The following BORA variants were observed in gnomAD, a reference collection of about 807,000 sequenced individuals.
BORA encodes BORA aurora kinase A activator, also known as protein aurora borealis.
A neutral mutation model predicts 55.8 loss-of-function variants in BORA; 26 were observed. That is an observed-to-expected ratio of 0.47 (90% CI 0.34 to 0.65). The LOEUF is 0.65. Among genes scored for constraint, BORA ranks in the 30% least tolerant of loss-of-function variants. The pLI is 0.01. For synonymous variants in BORA, 201 were observed against 216.9 expected, an observed-to-expected ratio of 0.93 and a Z score of 0.64; for missense variants, 568 against 671.5, an observed-to-expected ratio of 0.85 and a Z score of 1.70.
At chr13:72,751,408 A>G (rs1456622425) in intron 10 of BORA, among the ~76,000 whole-genome samples, 1 of 152,250 alleles carries the variant, frequency 6.6e-6, no homozygotes, top group African/African-American at 2.4e-5. Flanking sequence ...ACAATGGAAT[A>G]CTATTCAGCC....
intron 5 of BORA, among the ~76,000 whole-genome samples, chr13:72,739,862 C>T (rs915139262): frequency 1.3e-5 from 2 of 152,132 alleles, no homozygotes; most frequent in African/African-American, 4.8e-5. Flanking sequence ...GAGAAAGGGA[C>T]CCATGGGCCA....
chr13:72,728,034 C>A (rs1406121975), intron 1 of BORA, 27 bp downstream of exon 1: 7 of 1,550,438 alleles, frequency 4.5e-6, no homozygotes, highest in Non-Finnish European at 6.1e-6. Flanking sequence ...TGGTCCCTGG[C>A]CTTTCCTCCT....
At chr13:72,730,435 T>C (rs2032787647) in intron 2 of BORA, among the ~76,000 whole-genome samples, 1 of 152,228 alleles carries the variant, frequency 6.6e-6, no homozygotes, top group Non-Finnish European at 1.5e-5. Flanking sequence ...AATATATTTC[T>C]AATTACAGAT....
intron 4 of BORA, among the ~76,000 whole-genome samples, chr13:72,737,160 T>C (rs1430865252): frequency 6.6e-6 from 1 of 152,132 alleles, no homozygotes; most frequent in Non-Finnish European, 1.5e-5. Flanking sequence ...AGTATACAAA[T>C]GCTCTATCTC....
chr13:72,730,155 T>G (rs2032781958), intron 2 of BORA, among the ~76,000 whole-genome samples: 1 of 152,154 alleles, frequency 6.6e-6, no homozygotes, highest in African/African-American at 2.4e-5. Context: ...CCTTGGATCT[T>G]TCAACCTACC....
intron 6 of BORA, 88 bp downstream of exon 6, chr13:72,743,690 C>A (rs2033082934): frequency 3.3e-6 from 3 of 912,520 alleles, no homozygotes; most frequent in South Asian, 2.0e-5. Flanking sequence ...ACACTTTACT[C>A]TGGAATTGAA....
At chr13:72,728,113 C>T in intron 1 of BORA, 106 bp downstream of exon 1, 2 of 1,446,126 alleles carry the variant, frequency 1.4e-6, no homozygotes, top group South Asian at 2.4e-5. Flanking sequence ...TGAATGGGAG[C>T]AGTCAGGGAG....
chr13:72,750,234 T>C (rs1251265397), intron 10 of BORA, among the ~76,000 whole-genome samples: 2 of 152,138 alleles, frequency 1.3e-5, no homozygotes, highest in Non-Finnish European at 2.9e-5. Context: ...CAGGAAAGAA[T>C]GGTTAGCATT....
chr13:72,746,504 A>G lies in BORA; in HGVS notation c.875A>G (p.Gln292Arg), dbSNP rs200854142. 56 of 1,605,324 alleles carry G rather than the reference A, an allele frequency of 3.5e-5. No individual in the cohort carries two copies. The highest frequency in any genetic ancestry group is 4.1e-5 in the Non-Finnish European group (48 of 1,174,104). ...TTTTTCCCTTCCCACCTTTCAGAAC[A>G]AAGGAAGTTTACTGTTCATTCTCCT... is the stretch of plus-strand genomic sequence containing the variant. ...FQIGETPLSE[Q>R]RKFTVHSPDA... Residue 292 changes from glutamine (Q) to arginine (R), a missense_variant, in exon 10 of 12, where the codon CAA becomes CGA. Transcript: ENST00000390667.
intron 8 of BORA, among the ~76,000 whole-genome samples, chr13:72,745,458 T>C (rs1363556072): frequency 6.6e-6 from 1 of 152,156 alleles, no homozygotes; most frequent in Admixed American, 6.5e-5. Context: ...GAAGGAGGGA[T>C]GGTTGTCTTT....
At chr13:72,746,390 C>G (rs1220220766) in intron 9 of BORA, 111 bp from the exon 10 acceptor site, 1 of 1,259,242 alleles carries the variant, frequency 7.9e-7, no homozygotes, top group Non-Finnish European at 1.1e-6. Flanking sequence ...AACAACACAA[C>G]TGTTACAGAA....
intron 2 of BORA, among the ~76,000 whole-genome samples, chr13:72,729,537 T>TG (rs1279798621): frequency 6.6e-6 from 1 of 152,224 alleles, no homozygotes; most frequent in Admixed American, 6.5e-5. Context: ...CTCCGATGTA[T>TG]GGGTCACAAA....
intron 4 of BORA, among the ~76,000 whole-genome samples, chr13:72,736,983 TA>T (rs764598179): frequency 0.035 from 4,698 of 133,364 alleles, 135 homozygotes; most frequent in African/African-American, 0.084. Flanking sequence ...AGTCCACCTT[TA>T]AAAAAAAAAA....
chr13:72,728,278 T>G (rs969803871), intron 1 of BORA: 2 of 674,898 alleles, frequency 3.0e-6, no homozygotes, highest in Non-Finnish European at 5.4e-6. Context: ...CTCTGTAGCC[T>G]CCTTTGATTG....
chr13:72,744,919 A>C, intron 7 of BORA, 62 bp from the exon 8 acceptor site: 1 of 1,475,350 alleles, frequency 6.8e-7, no homozygotes, highest in Non-Finnish European at 9.3e-7. Flanking sequence ...AAGTTGAGTA[A>C]CAGAAGTATA....
Position 72,738,006 on chromosome 13 carries a change from T to G in BORA, c.351T>G (p.His117Gln). The G allele has an allele frequency of 1.2e-6, 2 of 1,600,592 alleles. No individual in the cohort carries two copies. The highest frequency in any genetic ancestry group is 1.7e-6 in the Non-Finnish European group (2 of 1,171,656). Reference sequence around the variant, plus strand: ...TCGTACCCTCTCCTTGGACTGATCATGAAGGGAAACAGCTTTCACAATGTC... The same window carrying G: ...TCGTACCCTCTCCTTGGACTGATCAGGAAGGGAAACAGCTTTCACAATGTC... ...DVIVPSPWTDHEGKQLSQCHS... is the reference protein window; with the variant it reads ...DVIVPSPWTDQEGKQLSQCHS... Residue 117 changes from histidine (H) to glutamine (Q), a missense_variant, in exon 5 of 12, where the codon CAT (histidine) becomes CAG (glutamine). Coordinates refer to ENST00000390667, the MANE Select transcript of BORA (RefSeq NM_024808.5).
intron 10 of BORA, among the ~76,000 whole-genome samples, chr13:72,751,584 G>A (rs186110219): frequency 1.3e-5 from 2 of 152,160 alleles, no homozygotes; most frequent in East Asian, 3.9e-4. Flanking sequence ...GGTAGTAGAG[G>A]ATGGGAAGGG....
chr13:72,729,077 A>T lies in BORA; in HGVS notation c.137A>T (p.Lys46Ile). The change falls in exon 2 of 12, where the codon AAA (lysine) becomes ATA (isoleucine). Residue 46 changes from lysine to isoleucine, a missense_variant. Transcript: ENST00000390667. The stretch of plus-strand genomic sequence containing the variant: ...ACTCTCGCCAGTCCTTCTGTTTTTA[A>T]ATCAACAAAATTACCAGTAAGTTAT... Reference protein sequence around the residue: ...EQTLASPSVFKSTKLPTPGKF... With the variant: ...EQTLASPSVFISTKLPTPGKF... 4 of 1,565,654 alleles carry T rather than the reference A, an allele frequency of 2.6e-6. No homozygotes were observed. Among genetic ancestry groups the T allele is most frequent in the Non-Finnish European group, 3.4e-6 (4 of 1,163,112 alleles).
At chr13:72,736,477 A>G (rs17089717) in intron 4 of BORA, among the ~76,000 whole-genome samples, 10,294 of 152,108 alleles carry the variant, frequency 0.068, 664 homozygotes, top group East Asian at 0.19. Context: ...TTCTCATACT[A>G]TTATCGTTCT....
Sources: allele counts gnomAD v4.1 joint callset (sites outside exome capture counted in the v4.1 genomes callset), GRCh38; gene constraint gnomAD v4.1.1; transcripts MANE v1.5; gene names NCBI Gene and HGNC (gene_info 2026-07-23, HGNC 2026-07-21).